The following LARGE1 variants were observed in gnomAD, a reference collection of about 807,000 sequenced individuals.
LARGE1 encodes the protein xylosyl- and glucuronyltransferase LARGE1.
LARGE1 carries 43 observed loss-of-function variants against 87.6 expected under a neutral mutation model. The observed-to-expected ratio is 0.49, with a 90% CI of 0.38 to 0.63. The LOEUF (loss-of-function observed/expected upper bound fraction) is 0.63. Among genes scored for constraint, LARGE1 ranks in the 30% least tolerant of loss-of-function variants. LARGE1 has a pLI of 0.00. For missense variants in LARGE1, 802 were observed against 1,000.2 expected (o/e 0.80, Z 2.67); for synonymous variants, 434 against 394.6 (o/e 1.10, Z -1.18).
At chr22:33,679,866 G>GA (rs1442435600) in intron 2 of LARGE1, among the ~76,000 whole-genome samples, 1 of 151,754 alleles carries the variant, frequency 6.6e-6, no homozygotes, top group Non-Finnish European at 1.5e-5. Flanking sequence ...ACAAACAAAA[G>GA]AAAAAAAGAA....
rs569895635 is a variant in LARGE1, at chr22:33,292,774, A to G, written c.1731-9426T>C. Among the ~76,000 whole-genome samples, 14 of 152,316 alleles carry G rather than the reference A, an allele frequency of 9.2e-5. No individual in the cohort carries two copies. The East Asian group carries it at 2.7e-3, about 29-fold the overall frequency. Reference sequence around the variant, plus strand: ...AGGGAGGCTGAACAGTGAGAAAAAAAGAGCATGATCTTTTTAATCGGATGA... The same window carrying G: ...AGGGAGGCTGAACAGTGAGAAAAAAGGAGCATGATCTTTTTAATCGGATGA... On this transcript the variant is annotated intron_variant, in intron 12 of 14. Transcript: ENST00000397394.
intron 11 of LARGE1, among the ~76,000 whole-genome samples, chr22:33,206,302 G>C (rs1924680156): frequency 6.6e-6 from 1 of 151,480 alleles, no homozygotes; most frequent in Admixed American, 6.6e-5. Context: ...ATGTTGGCCA[G>C]GCTGGTCTCG....
intron 1 of LARGE1, among the ~76,000 whole-genome samples, chr22:33,855,120 G>A (rs183279620): frequency 3.9e-5 from 6 of 152,296 alleles, no homozygotes; most frequent in Admixed American, 2.0e-4. Context: ...GGATTATGAG[G>A]TCAGGAGACC....
intron 6 of LARGE1, among the ~76,000 whole-genome samples, chr22:33,545,204 A>G (rs1422963051): frequency 1.3e-5 from 2 of 151,702 alleles, no homozygotes; most frequent in Non-Finnish European, 2.9e-5. Context: ...AAAGTAGGTC[A>G]TGTACAAATC....
At chr22:33,754,151 A>C (rs983442377) in intron 2 of LARGE1, among the ~76,000 whole-genome samples, 2 of 152,148 alleles carry the variant, frequency 1.3e-5, no homozygotes, top group Non-Finnish European at 2.9e-5. Flanking sequence ...CTCAGATGCC[A>C]AGACCTTAAA....
At chr22:33,895,716 C>A (rs1435654824) in intron 1 of LARGE1, among the ~76,000 whole-genome samples, 1 of 152,174 alleles carries the variant, frequency 6.6e-6, no homozygotes, top group Non-Finnish European at 1.5e-5. Context: ...TCCTTCAGGG[C>A]AAGTTTGCTA....
intron 1 of LARGE1, among the ~76,000 whole-genome samples, chr22:33,852,234 A>G (rs957443603): frequency 3.9e-5 from 6 of 152,208 alleles, no homozygotes; most frequent in Non-Finnish European, 7.3e-5. Flanking sequence ...GATGTGAGCC[A>G]ACGTTGAAAG....
intron 7 of LARGE1, among the ~76,000 whole-genome samples, chr22:33,405,867 T>C (rs1029881116): frequency 7.2e-5 from 11 of 152,176 alleles, no homozygotes; most frequent in African/African-American, 2.4e-4. Flanking sequence ...TGAAGATCGA[T>C]AGTCCCTGTT....
intron 1 of LARGE1, among the ~76,000 whole-genome samples, chr22:33,861,986 G>A (rs2063939833): frequency 6.6e-6 from 1 of 150,736 alleles, no homozygotes; most frequent in East Asian, 2.0e-4. Context: ...AGCCTCCCGA[G>A]TAGCTGGGAT....
chr22:33,394,571 A>G (rs1241950890), intron 7 of LARGE1, among the ~76,000 whole-genome samples: 2 of 152,220 alleles, frequency 1.3e-5, no homozygotes, highest in South Asian at 4.1e-4. Context: ...GAAGAAACTA[A>G]GGTAGACAGA....
chr22:33,239,694 G>C (rs571267682), intron 11 of LARGE1, among the ~76,000 whole-genome samples: 1 of 151,518 alleles, frequency 6.6e-6, no homozygotes, highest in Non-Finnish European at 1.5e-5. Flanking sequence ...GCATGACACC[G>C]CACCTGGCTA....
chr22:33,219,463 A>G (rs997968659), intron 11 of LARGE1, among the ~76,000 whole-genome samples: 4 of 152,232 alleles, frequency 2.6e-5, no homozygotes, highest in African/African-American at 7.2e-5. Context: ...AACCTGGTGT[A>G]CGCTAAATAT....
chr22:33,157,736 A>G (rs1921915971), downstream of LARGE1, among the ~76,000 whole-genome samples: 1 of 152,198 alleles, frequency 6.6e-6, no homozygotes, highest in African/African-American at 2.4e-5. Context: ...TTTAGTACTC[A>G]TCGTAGTTTT....
At position 33,384,256 on chromosome 22, in the gene LARGE1, T is replaced by A. The variant is rs149747266; in HGVS notation, c.941A>T (p.Gln314Leu). 3.3e-5 allele frequency: 53 copies of A among 1,614,052 alleles called. No individual in the cohort carries two copies. Among genetic ancestry groups the A allele is most frequent in the Non-Finnish European group, 4.2e-5 (49 of 1,180,038 alleles). ...CCTCTCTGCGGTCAGCCTCCACATCTGCTCCCATTTCATCTTCCGCAGCTT... is the reference window on the plus strand; with the variant it reads ...CCTCTCTGCGGTCAGCCTCCACATCAGCTCCCATTTCATCTTCCGCAGCTT... ...LDKLRKMKWE[Q>L]MWRLTAEREL... Residue 314 changes from glutamine to leucine, a missense_variant, in exon 8 of 15, where the codon CAG becomes CTG. Transcript: ENST00000397394.
intron 9 of LARGE1, among the ~76,000 whole-genome samples, chr22:33,345,275 T>C (rs886140612): frequency 6.6e-6 from 1 of 152,118 alleles, no homozygotes; most frequent in Non-Finnish European, 1.5e-5. Context: ...AGCTAGAAAG[T>C]AGGAGAGTCA....
chr22:33,805,529 T>A (rs1275985316), intron 1 of LARGE1, among the ~76,000 whole-genome samples: 1 of 151,436 alleles, frequency 6.6e-6, no homozygotes, highest in East Asian at 2.0e-4. Flanking sequence ...AGGTCAGGAG[T>A]TTGAGACCAG....
chr22:33,628,769 G>T (rs1369210954), intron 3 of LARGE1, among the ~76,000 whole-genome samples: 1 of 143,098 alleles, frequency 7.0e-6, no homozygotes, highest in Non-Finnish European at 1.5e-5. Context: ...TCTCAACCAG[G>T]GACATATTCA....
intron 5 of LARGE1, among the ~76,000 whole-genome samples, chr22:33,584,166 G>A (rs1297761289): frequency 1.3e-5 from 2 of 152,200 alleles, no homozygotes; most frequent in Non-Finnish European, 2.9e-5. Flanking sequence ...GCTAAGCTGA[G>A]CAGATAAAAA....
intron 7 of LARGE1, among the ~76,000 whole-genome samples, chr22:33,396,492 A>AGAGAGAGAGAGAGAGAGAGAGAGAGG (rs1242014561): frequency 6.7e-6 from 1 of 148,318 alleles, no homozygotes; most frequent in Admixed American, 6.7e-5. Flanking sequence ...AGAGAGAGAG[A>AGAGAGAGAGAGAGAGAGAGAGAGAGG]GAGAGATAGG....
Sources: allele counts gnomAD v4.1 joint callset (sites outside exome capture counted in the v4.1 genomes callset), GRCh38; gene constraint gnomAD v4.1.1; transcripts MANE v1.5; gene names NCBI Gene and HGNC (gene_info 2026-07-23, HGNC 2026-07-21).